Variants in RTEL1 observed in about 807,000 individuals in gnomAD.
The protein encoded by RTEL1 is regulator of telomere elongation helicase 1.
RTEL1 carries 86 observed loss-of-function variants against 162.2 expected under a neutral mutation model. The ratio of observed to expected loss-of-function variants is 0.53; its 90% confidence interval spans 0.45 to 0.63. The LOEUF (loss-of-function observed/expected upper bound fraction) is 0.63, where lower values mean the gene tolerates loss of function less well. RTEL1 is among the 30% of genes least tolerant of loss of function. RTEL1 has a pLI of 0.00. For synonymous variants in RTEL1, 958 were observed against 717.9 expected (o/e 1.33, Z -5.35); for missense variants, 1,941 against 1,750.2 (o/e 1.11, Z -1.95).
rs2090976962 is a variant in RTEL1 at position 63,696,198 on chromosome 20, T to G, written c.*340T>G. The G allele has an allele frequency of 2.4e-6, 1 of 421,222 alleles. No individual in the cohort carries two copies. Among genetic ancestry groups the G allele is most frequent in the African/African-American group, 2.0e-5 (1 of 49,528 alleles). 26.1% of individuals were successfully genotyped at this position (421,222 alleles called of 1,614,324 possible). ...GAGACCCCCGTGGGCACGTGTCCACTTTTAATCAGGGGACAGGGCTCTCTA... is the reference window on the plus strand; with the variant it reads ...GAGACCCCCGTGGGCACGTGTCCACGTTTAATCAGGGGACAGGGCTCTCTA... On this transcript the variant is annotated 3_prime_UTR_variant, in exon 35 of 35. Coordinates refer to ENST00000360203, the MANE Select transcript of RTEL1 (RefSeq NM_001283009.2).
intron 10 of RTEL1, among the ~76,000 whole-genome samples, chr20:63,676,463 G>A (rs547054977): frequency 1.3e-5 from 2 of 152,190 alleles, no homozygotes; most frequent in South Asian, 2.1e-4. Flanking sequence ...CTCCTTTCCC[G>A]TTTCTTCCCA....
chr20:63,689,756 T>C lies in RTEL1; in HGVS notation c.2032T>C (p.Ser678Pro). 2 of 1,611,978 alleles carry C rather than the reference T, an allele frequency of 1.2e-6. No individual in the cohort carries two copies. Among genetic ancestry groups the C allele is most frequent in the Non-Finnish European group, 1.7e-6 (2 of 1,179,606 alleles). Reference protein sequence around the residue: ...GQGGAGGQFLSGQEWYRQQAS... With the variant: ...GQGGAGGQFLPGQEWYRQQAS... Reference sequence around the variant, plus strand: ...GAGCCGCCTCGCCCCACAGTTCCTCTCTGGGCAGGAGTGGTACCGGCAGCA... The same window carrying C: ...GAGCCGCCTCGCCCCACAGTTCCTCCCTGGGCAGGAGTGGTACCGGCAGCA... Residue 678 changes from serine (S) to proline (P), a missense_variant, in exon 24 of 35, where the codon TCT becomes CCT. Ser to Pro is a moderately conservative substitution (Grantham distance 74, BLOSUM62 -1). Transcript: ENST00000360203.
In RTEL1 at chr20:63,673,933, G is replaced by C; in HGVS notation, c.766-7G>C. On this transcript the variant is annotated splice_region_variant and splice_polypyrimidine_tract_variant and intron_variant, in intron 9 of 34. Coordinates refer to ENST00000360203, the MANE Select transcript of RTEL1 (RefSeq NM_001283009.2). ...TCTGTGGTGATTCGGGTGTGCTTGG[G>C]CTCTAGGAGAAGATGTGTGAAGAAT... is the stretch of plus-strand genomic sequence containing the variant. 1 of 1,607,430 alleles carries C rather than the reference G, an allele frequency of 6.2e-7. No homozygotes were observed. Among genetic ancestry groups the C allele is most frequent in the Non-Finnish European group, 8.5e-7 (1 of 1,175,668 alleles).
chr20:63,689,066 T>A lies in RTEL1; in HGVS notation c.1812T>A (p.Ala604=). 6.2e-7 allele frequency: 1 copy of A among 1,611,080 alleles called. No homozygotes were observed. The highest frequency in any genetic ancestry group is 8.5e-7 in the Non-Finnish European group (1 of 1,179,848). The change falls in exon 22 of 35, where the codon GCT becomes GCA. Residue 604 remains alanine (A), a synonymous_variant. Coordinates refer to ENST00000360203, the MANE Select transcript of RTEL1 (RefSeq NM_001283009.2). ...AACTTTCCTTCCAGACCATCAGTGC[T>A]TACTATGCAAGGGTTGCCGCCCCTG... is the stretch of plus-strand genomic sequence containing the variant. ...SKGSFSETIS[A]YYARVAAPGS... is the part of the protein sequence containing the mutation.
At chr20:63,692,020 G>A (rs915489324) in intron 28 of RTEL1, 183 bp downstream of exon 28, 2 of 563,024 alleles carry the variant, frequency 3.6e-6, no homozygotes, top group South Asian at 2.0e-5. Flanking sequence ...TCTGCAGGGG[G>A]CTCATGAGTC....
chr20:63,676,394 C>T (rs1036298858), intron 10 of RTEL1, among the ~76,000 whole-genome samples: 7 of 152,306 alleles, frequency 4.6e-5, no homozygotes, highest in East Asian at 1.9e-4. Flanking sequence ...AGTTAGACTG[C>T]GGCCACCGTT....
intron 16 of RTEL1, 77 bp from the exon 17 acceptor site, chr20:63,687,561 A>T: frequency 2.1e-6 from 3 of 1,450,842 alleles, no homozygotes; most frequent in Non-Finnish European, 2.8e-6. Flanking sequence ...GGAGAGGGTG[A>T]TGGGCAGAGA....
chr20:63,684,324 C>T (rs1053453203), intron 14 of RTEL1, among the ~76,000 whole-genome samples: 3 of 152,154 alleles, frequency 2.0e-5, no homozygotes, highest in Admixed American at 6.6e-5. Flanking sequence ...GTGGTTTTGT[C>T]GTAAGTCCTG....
intron 2 of RTEL1, among the ~76,000 whole-genome samples, chr20:63,660,221 G>A (rs1569078239): frequency 6.6e-6 from 1 of 152,232 alleles, no homozygotes; most frequent in Admixed American, 6.5e-5. Flanking sequence ...TCGACTGCAA[G>A]AGGCTTTCCT....
chr20:63,678,284 G>A lies in RTEL1; in HGVS notation c.975G>A (p.Leu325=). ...IAKLKMILLR[L]EGAIDAVELP... The stretch of plus-strand genomic sequence containing the variant: ...GACCCACAGTGATCCTGCTGCGCCT[G>A]GAGGGGGCCATCGATGCTGTTGAGC... The change falls in exon 12 of 35, where the codon CTG becomes CTA. Residue 325 remains leucine, a synonymous_variant. Transcript: ENST00000360203. 6.2e-7 allele frequency: 1 copy of A among 1,612,764 alleles called. No individual in the cohort carries two copies. Among genetic ancestry groups the A allele is most frequent in the Non-Finnish European group, 8.5e-7 (1 of 1,179,308 alleles).
At chr20:63,689,465 C>T in intron 22 of RTEL1, 37 bp from the exon 23 acceptor site, 8 of 1,494,156 alleles carry the variant, frequency 5.4e-6, no homozygotes, top group Non-Finnish European at 7.2e-6. Flanking sequence ...GAGAGGAGCC[C>T]CCACGGCCCC....
chr20:63,675,392 G>T (rs1441248053), intron 10 of RTEL1, among the ~76,000 whole-genome samples: 4 of 152,164 alleles, frequency 2.6e-5, no homozygotes, highest in African/African-American at 7.2e-5. Context: ...ACCCTGGGGA[G>T]CCCCGTCCTC....
intron 6 of RTEL1, chr20:63,665,170 A>T (rs1023364755): frequency 6.5e-6 from 1 of 152,838 alleles, no homozygotes; most frequent in Non-Finnish European, 1.5e-5. Flanking sequence ...TCTGCAGCTG[A>T]GTCCTGGCCC....
At chr20:63,688,844 C>G in intron 21 of RTEL1, 1 of 649,048 alleles carries the variant, frequency 1.5e-6, no homozygotes, top group East Asian at 2.7e-5. Flanking sequence ...GTCGGCCACC[C>G]TGGCCCTGGG....
At chr20:63,679,987 C>T (rs768942341) in intron 13 of RTEL1, 41 bp downstream of exon 13, 8 of 1,442,220 alleles carry the variant, frequency 5.5e-6, no homozygotes, top group South Asian at 2.4e-5. Flanking sequence ...GCAAATGTGG[C>T]GTAGGGGGTG....
intron 30 of RTEL1, 140 bp downstream of exon 30, chr20:63,693,423 T>TCCACCACCA: frequency 1.1e-6 from 1 of 923,956 alleles, no homozygotes; most frequent in Non-Finnish European, 1.6e-6. Context: ...GATGGGGGCC[T>TCCACCACCA]CCACCTCCAC....
Position 63,681,345 on chromosome 20 carries a change from T to C in RTEL1, c.1191+626T>C, listed in dbSNP as rs537973885. ...TTTTGGGTGCTCTGGGCACGTTGCC[T>C]CTCCGGGGCCTCGGTGGCTTTTTTA... On this transcript the variant is annotated intron_variant, in intron 14 of 34. Coordinates refer to ENST00000360203, the MANE Select transcript of RTEL1 (RefSeq NM_001283009.2). 4 of 985,272 alleles carry C rather than the reference T, an allele frequency of 4.1e-6. No homozygotes were observed. The East Asian group carries it at 4.5e-4, about 112-fold the overall frequency. The allele number at this position is 985,272 out of a possible 1,614,324, so 61.0% of individuals were successfully genotyped here.
rs2738780 is a variant in RTEL1, at chr20:63,668,461, T to C, written c.699+908T>C. Among the ~76,000 whole-genome samples the C allele has an allele frequency of 0.99, 151,194 of 152,220 alleles. 75,117 individuals are homozygous for C. Among genetic ancestry groups the C allele is most frequent in the African/African-American group, 1 (41,522 of 41,528 alleles). ...GCAAAAGAGTAAGCACGTGAGCTGA[T>C]GATACTGAAGGGAAATAGAGCAGAG... On this transcript the variant is annotated intron_variant, in intron 8 of 34. Transcript: ENST00000360203. This position sits in a 1 kb window ranked among gnomAD's most constrained non-coding sequence, Gnocchi z 4.3.
At position 63,693,066 on chromosome 20, in the gene RTEL1, G is replaced by A. The variant is rs371935401; in HGVS notation, c.2851+63G>A. ...GTGCTGCCGCCGCGTGTGGGGTGGG[G>A]GCCATCTGGGTCCAAGGTGGTCTCT... On this transcript the variant is annotated intron_variant, in intron 29 of 34. Coordinates refer to ENST00000360203, the MANE Select transcript of RTEL1 (RefSeq NM_001283009.2). 8.2e-5 allele frequency: 132 copies of A among 1,609,736 alleles called. 1 individual carries two copies. Among genetic ancestry groups the A allele is most frequent in the South Asian group, 7.2e-4 (66 of 91,052 alleles).
Sources: gnomAD v4.1 joint callset for allele counts (sites outside exome capture counted in the v4.1 genomes callset) on GRCh38, gnomAD v4.1.1 for gene constraint, Gnocchi (gnomAD v3.1) non-coding constraint, MANE v1.5 for transcripts, NCBI Gene and HGNC (gene_info 2026-07-23, HGNC 2026-07-21) for gene names.